The following RNF213 variants were observed in gnomAD, a reference collection of about 807,000 sequenced individuals.
RNF213 encodes E3 ubiquitin-protein ligase RNF213.
Under a neutral mutation model 514.4 loss-of-function variants are expected in RNF213, and 341 were observed. That is an observed-to-expected ratio of 0.66 (90% CI 0.61 to 0.73). The LOEUF is 0.73. RNF213 is among the 30% of genes least tolerant of loss of function. The probability of loss-of-function intolerance (pLI) is 0.00; values close to 1 mark genes in which losing one functional copy is unlikely to be tolerated. For missense variants in RNF213, 5,767 were observed against 6,615.6 expected (o/e 0.87, Z 4.45); for synonymous variants, 2,655 against 2,658.2 (o/e 1.00, Z 0.04).
At chr17:80,380,810 G>A (rs749322415) in intron 55 of RNF213, 21 bp from the exon 56 acceptor site, 5 of 1,614,146 alleles carry the variant, frequency 3.1e-6, no homozygotes, top group African/African-American at 1.3e-5. Context: ...CCTCTGTCTT[G>A]TGTTCTCTCG....
In RNF213 at chr17:80,317,005, A is replaced by G. The variant is rs571570934; in HGVS notation, c.2812-183A>G. On this transcript the variant is annotated intron_variant, in intron 15 of 67. Transcript: ENST00000582970. This position sits in a 1 kb window ranked among gnomAD's most constrained non-coding sequence, Gnocchi z 4.1. ...TTGGGTCTCTGATTCTAGAAAGCCA[A>G]CCTGGGCTGCTGTGACCGGCCACTA... is the stretch of plus-strand genomic sequence containing the variant. Among the ~76,000 whole-genome samples the G allele has an allele frequency of 6.6e-6, 1 of 152,338 alleles. No homozygotes were observed. The highest frequency in any genetic ancestry group is 2.4e-5 in the African/African-American group (1 of 41,580).
intron 25 of RNF213, 111 bp downstream of exon 25, chr17:80,338,108 AAGGGC>A: frequency 1.5e-6 from 2 of 1,323,550 alleles, no homozygotes; most frequent in Non-Finnish European, 2.1e-6. Context: ...GACTGATAAG[AAGGGC>A]TCTGCTCTTA....
In RNF213 at chr17:80,298,375, CACCTGGCT is replaced by C; in HGVS notation, c.2068_2075del (p.Thr690GlyfsTer24). ...AAAGATGCATGGACACAAGGACGTACACCTGGCTGGGCGCCCTGCCTGTCCTGCACTGC... is the reference window on the plus strand; with the variant it reads ...AAAGATGCATGGACACAAGGACGTACGGGCGCCCTGCCTGTCCTGCACTGC... On this transcript the variant is annotated frameshift_variant, in exon 11 of 68. Coordinates refer to ENST00000582970, the MANE Select transcript of RNF213 (RefSeq NM_001256071.3). LOFTEE classifies it high-confidence loss of function. The C allele has an allele frequency of 6.2e-7, 1 of 1,614,200 alleles. No homozygotes were observed. Among genetic ancestry groups the C allele is most frequent in the Non-Finnish European group, 8.5e-7 (1 of 1,180,048 alleles).
chr17:80,371,823 G>C, intron 46 of RNF213, 51 bp from the exon 47 acceptor site: 1 of 921,818 alleles, frequency 1.1e-6, no homozygotes, highest in South Asian at 1.4e-5. Flanking sequence ...TTTTTAGTAA[G>C]GTATGTCTCC....
intron 3 of RNF213, among the ~76,000 whole-genome samples, chr17:80,275,289 T>C (rs1191329365): frequency 6.6e-6 from 1 of 151,748 alleles, no homozygotes; most frequent in African/African-American, 2.4e-5. Context: ...GCACATGGGA[T>C]GCGGAAGGTT....
At chr17:80,354,834 T>C (rs2078672440) in intron 36 of RNF213, 3 of 532,022 alleles carry the variant, frequency 5.6e-6, no homozygotes, top group Non-Finnish European at 1.0e-5. Flanking sequence ...AAGTAAAACA[T>C]CTGTTCTTAG....
chr17:80,369,579 T>G lies in RNF213; in HGVS notation c.12233T>G (p.Phe4078Cys). ...GTAGACCTGGTGTCCACCATTTGCTTCAAGGACAACGCTCCGCCTGAGAAG... is the reference window on the plus strand; with the variant it reads ...GTAGACCTGGTGTCCACCATTTGCTGCAAGGACAACGCTCCGCCTGAGAAG... Reference protein sequence around the residue: ...FFVDLVSTICFKDNAPPEKEV... With the variant: ...FFVDLVSTICCKDNAPPEKEV... The change falls in exon 45 of 68, where the codon TTC becomes TGC. Residue 4078 changes from phenylalanine (F) to cysteine (C), a missense_variant. Transcript: ENST00000582970. 6.2e-7 allele frequency: 1 copy of G among 1,614,236 alleles called. No individual in the cohort carries two copies. Among genetic ancestry groups the G allele is most frequent in the Non-Finnish European group, 8.5e-7 (1 of 1,180,038 alleles).
rs1183777834 is a variant in RNF213, at chr17:80,288,861, C to T, written c.933+106C>T. The T allele has an allele frequency of 1.6e-5, 26 of 1,578,640 alleles. No homozygotes were observed. The highest frequency in any genetic ancestry group is 8.1e-5 in the African/African-American group (6 of 74,076). On this transcript the variant is annotated intron_variant, in intron 5 of 67. Coordinates refer to ENST00000582970, the MANE Select transcript of RNF213 (RefSeq NM_001256071.3). This position sits in a 1 kb window ranked among gnomAD's most constrained non-coding sequence, Gnocchi z 4.9. ...AATATTTAAGTGCTGGGGATATAGC[C>T]ATGATTCAGACAAAGCTCTGGCCTT...
chr17:80,321,961 T>G (rs752281369), intron 17 of RNF213, among the ~76,000 whole-genome samples: 1 of 152,080 alleles, frequency 6.6e-6, no homozygotes, highest in Non-Finnish European at 1.5e-5. Flanking sequence ...CTTGACCTCA[T>G]GATCCACATG....
intron 46 of RNF213, among the ~76,000 whole-genome samples, chr17:80,370,965 T>TAA (rs1356239205): frequency 1.3e-5 from 2 of 152,180 alleles, no homozygotes; most frequent in Non-Finnish European, 2.9e-5. Flanking sequence ...TTTGAATACT[T>TAA]AAAGACATTT....
chr17:80,373,205 C>T, intron 49 of RNF213, 40 bp downstream of exon 49: 1 of 1,584,640 alleles, frequency 6.3e-7, no homozygotes, highest in Non-Finnish European at 8.5e-7. Flanking sequence ...CATGCACCCC[C>T]ACAGCCCCAT....
In RNF213 at chr17:80,343,233, G is replaced by A; in HGVS notation, c.6091G>A (p.Asp2031Asn). 1 of 1,614,022 alleles carries A rather than the reference G, an allele frequency of 6.2e-7. No homozygotes were observed. Residue 2031 changes from aspartate to asparagine, a missense_variant, in exon 27 of 68, where the codon GAT becomes AAT. Transcript: ENST00000582970. This position sits in a 1 kb window ranked among gnomAD's most constrained non-coding sequence, Gnocchi z 4.3. The part of the protein sequence containing the change: ...KTIRLIDPQV[D>N]ESRVLGALLP... The stretch of plus-strand genomic sequence containing the variant: ...AATTCGACTGATCGACCCTCAGGTG[G>A]ATGAGAGCCGAGTCCTGGGCGCCCT...
intron 36 of RNF213, among the ~76,000 whole-genome samples, chr17:80,355,519 T>C (rs2078738088): frequency 2.1e-5 from 1 of 48,212 alleles, no homozygotes; most frequent in African/African-American, 7.2e-5. Context: ...GAATGGGGGC[T>C]TACAGGGGGA....
At chr17:80,381,408 G>T in intron 56 of RNF213, 139 bp from the exon 57 acceptor site, 1 of 873,660 alleles carries the variant, frequency 1.1e-6, no homozygotes, top group East Asian at 2.5e-5. Flanking sequence ...CCTTTCACCT[G>T]GATCACTCCG....
At chr17:80,278,811 C>T (rs752548047) in intron 3 of RNF213, 23 of 1,537,044 alleles carry the variant, frequency 1.5e-5, no homozygotes, top group South Asian at 3.6e-5. Flanking sequence ...ACCTCATATC[C>T]GATGAATGGG....
intron 26 of RNF213, among the ~76,000 whole-genome samples, chr17:80,342,701 C>G (rs1036143139): frequency 7.0e-6 from 1 of 142,992 alleles, no homozygotes; most frequent in African/African-American, 2.6e-5. Context: ...TATATATATT[C>G]TATATATACA....
chr17:80,355,580 G>C (rs56056781), intron 36 of RNF213, among the ~76,000 whole-genome samples: 87 of 14,710 alleles, frequency 5.9e-3, no homozygotes, highest in African/African-American at 8.8e-3. Flanking sequence ...AGCGGGGTGA[G>C]TGGGAATGGG....
At chr17:80,349,016 G>GA (rs1160118507) in intron 29 of RNF213, among the ~76,000 whole-genome samples, 1 of 152,144 alleles carries the variant, frequency 6.6e-6, no homozygotes, top group Non-Finnish European at 1.5e-5. Flanking sequence ...GAGGCCGCTG[G>GA]AACCGTACAA....
At chr17:80,382,663 C>G (rs1265266884) in intron 57 of RNF213, 1 of 345,170 alleles carries the variant, frequency 2.9e-6, no homozygotes, top group Non-Finnish European at 5.6e-6. Flanking sequence ...GTGGCAGCAG[C>G]TGAGACGGCT....
Sources: allele counts gnomAD v4.1 joint callset (sites outside exome capture counted in the v4.1 genomes callset), GRCh38; gene constraint gnomAD v4.1.1; non-coding constraint Gnocchi (gnomAD v3.1); transcripts MANE v1.5; gene names NCBI Gene and HGNC (gene_info 2026-07-23, HGNC 2026-07-21).